The following BACE2 variants were observed in gnomAD, a reference collection of about 807,000 sequenced individuals.
BACE2 encodes 56 kDa aspartic-like protease.
In BACE2, 17 loss-of-function variants were observed where a neutral mutation model predicts 46.2. That is an observed-to-expected ratio of 0.37 (90% CI 0.25 to 0.55). The LOEUF (loss-of-function observed/expected upper bound fraction) is 0.55. Ranked by LOEUF, BACE2 falls within the 20% of genes least tolerant of loss-of-function variation. The probability of loss-of-function intolerance (pLI) is 0.82; values close to 1 mark genes in which losing one functional copy is unlikely to be tolerated. For missense variants in BACE2, 595 were observed against 698.1 expected, an observed-to-expected ratio of 0.85 and a Z score of 1.66; for synonymous variants, 277 against 295.9, an observed-to-expected ratio of 0.94 and a Z score of 0.66.
intron 1 of BACE2, chr21:41,183,413 T>G (rs1985222651): frequency 6.0e-6 from 1 of 167,064 alleles, no homozygotes; most frequent in Non-Finnish European, 1.5e-5. Flanking sequence ...TCACAATACA[T>G]GTACATATAC....
chr21:41,181,595 G>A lies in BACE2; in HGVS notation c.312+13020G>A, dbSNP rs1016731144. Reference sequence around the variant, plus strand: ...TTCCACTTTTGTGTCATTAATGCAAGAGTGGATGCAAATGTTAGAGTTATG... The same window carrying A: ...TTCCACTTTTGTGTCATTAATGCAAAAGTGGATGCAAATGTTAGAGTTATG... On this transcript the variant is annotated intron_variant, in intron 1 of 8. Coordinates refer to ENST00000330333, the MANE Select transcript of BACE2 (RefSeq NM_012105.5). 6.0e-5 allele frequency: 10 copies of A among 167,230 alleles called. No individual in the cohort carries two copies. In the East Asian group the frequency reaches 1.7e-3, roughly 29 times the overall value. 10.4% of individuals were successfully genotyped at this position (167,230 alleles called of 1,614,324 possible).
intron 1 of BACE2, among the ~76,000 whole-genome samples, chr21:41,204,336 C>T (rs928078615): frequency 2.0e-5 from 3 of 152,152 alleles, no homozygotes; most frequent in African/African-American, 4.8e-5. Context: ...CCACTGCGCC[C>T]GGCCAAGAGT....
intron 1 of BACE2, among the ~76,000 whole-genome samples, chr21:41,204,376 T>G (rs540218959): frequency 3.9e-5 from 6 of 152,010 alleles, no homozygotes; most frequent in African/African-American, 1.5e-4. Flanking sequence ...ATGGGAGATA[T>G]GATGTCCCAT....
chr21:41,274,800 C>A (rs1054992459), intron 8 of BACE2, among the ~76,000 whole-genome samples: 1 of 152,108 alleles, frequency 6.6e-6, no homozygotes. Flanking sequence ...TCTCTCAAGC[C>A]AGCCTGACCC....
At chr21:41,255,436 G>A (rs767598448) in intron 7 of BACE2, among the ~76,000 whole-genome samples, 8 of 152,218 alleles carry the variant, frequency 5.3e-5, no homozygotes, top group African/African-American at 1.4e-4. Context: ...CAGTGCCTGA[G>A]AAGGAGCAGC....
intron 2 of BACE2, among the ~76,000 whole-genome samples, chr21:41,227,912 C>T (rs891430693): frequency 6.6e-6 from 1 of 152,176 alleles, no homozygotes; most frequent in Non-Finnish European, 1.5e-5. Flanking sequence ...AGTCCCCAAA[C>T]AGCCCTCACC....
At chr21:41,271,725 A>G (rs2088436898) in intron 8 of BACE2, among the ~76,000 whole-genome samples, 3 of 152,210 alleles carry the variant, frequency 2.0e-5, no homozygotes, top group Admixed American at 2.0e-4. Context: ...ACCACTTCAT[A>G]TAGTCTAAGA....
At chr21:41,176,608 C>T (rs1984853873) in intron 1 of BACE2, 1 of 152,146 alleles carries the variant, frequency 6.6e-6, no homozygotes, top group Non-Finnish European at 1.5e-5. Flanking sequence ...AATACTCTTC[C>T]TAGGTTAAGT....
chr21:41,254,472 T>C (rs1052098044), intron 7 of BACE2, among the ~76,000 whole-genome samples: 1 of 152,210 alleles, frequency 6.6e-6, no homozygotes, highest in African/African-American at 2.4e-5. Flanking sequence ...TTTCTTCCTG[T>C]CTCTGCCCTT....
intron 1 of BACE2, among the ~76,000 whole-genome samples, chr21:41,214,677 C>T (rs2837968): frequency 0.17 from 26,484 of 152,246 alleles, 5,700 homozygotes; most frequent in African/African-American, 0.51. Context: ...ACTGCATGAA[C>T]GTCTCTCTAA....
chr21:41,227,944 G>C (rs774250676), intron 2 of BACE2, among the ~76,000 whole-genome samples: 65 of 152,270 alleles, frequency 4.3e-4, no homozygotes, highest in Non-Finnish European at 8.4e-4. Context: ...ACTCTGGACT[G>C]CTCATCATGG....
At chr21:41,225,177 T>G (rs1986773662) in intron 1 of BACE2, among the ~76,000 whole-genome samples, 1 of 149,574 alleles carries the variant, frequency 6.7e-6, no homozygotes, top group South Asian at 2.1e-4. Context: ...GAGTTTGCAC[T>G]GAGCCGAGAT....
rs936731893 is a variant in BACE2, at chr21:41,208,372, G to C, written c.313-17894G>C. Among the ~76,000 whole-genome samples, 5 of 152,232 alleles carry C rather than the reference G, an allele frequency of 3.3e-5. No individual in the cohort carries two copies. In the East Asian group the frequency reaches 9.6e-4, roughly 29 times the overall value. ...GTGACTGCAGGTGCCTGCACCTTCT[G>C]GGGGTGGGAGAGGGCATGAAATCCT... On this transcript the variant is annotated intron_variant, in intron 1 of 8. Coordinates refer to ENST00000330333, the MANE Select transcript of BACE2 (RefSeq NM_012105.5).
rs1232031468 is a variant in BACE2, at chr21:41,257,250, C to T, written c.1227C>T (p.Ala409=). 4 of 1,614,150 alleles carry T rather than the reference C, an allele frequency of 2.5e-6. No individual in the cohort carries two copies. Among genetic ancestry groups the T allele is most frequent in the South Asian group, 1.1e-5 (1 of 91,078 alleles). Reference sequence around the variant, plus strand: ...CCACAAATGCGCTGGTGATCGGTGCCACGGTGATGGAGGGCTTCTACGTCA... The same window carrying T: ...CCACAAATGCGCTGGTGATCGGTGCTACGGTGATGGAGGGCTTCTACGTCA... ...SPSTNALVIG[A]TVMEGFYVIF... is the part of the protein sequence containing the mutation. Residue 409 remains alanine, a synonymous_variant, in exon 8 of 9, where the codon GCC becomes GCT. Coordinates refer to ENST00000330333, the MANE Select transcript of BACE2 (RefSeq NM_012105.5).
chr21:41,181,312 GT>G (rs377465379), intron 1 of BACE2: 1 of 167,120 alleles, frequency 6.0e-6, no homozygotes, highest in African/African-American at 2.4e-5. Context: ...GGGGTGCGAT[GT>G]TTATACTTCA....
chr21:41,176,034 A>G (rs1371779379), intron 1 of BACE2: 1 of 152,240 alleles, frequency 6.6e-6, no homozygotes, highest in East Asian at 1.9e-4. Flanking sequence ...GGTATTGGAG[A>G]GAAGTCATTT....
intron 3 of BACE2, among the ~76,000 whole-genome samples, chr21:41,239,230 C>G (rs1048151865): frequency 1.4e-4 from 22 of 152,198 alleles, no homozygotes; most frequent in Middle Eastern, 3.4e-3. Context: ...GCCCTTGGCC[C>G]CTCCAAGGAG....
chr21:41,224,209 ATTTT>A (rs10658440), intron 1 of BACE2, among the ~76,000 whole-genome samples: 26 of 98,888 alleles, frequency 2.6e-4, no homozygotes, highest in African/African-American at 9.9e-4. Flanking sequence ...GCCTATTTTG[ATTTT>A]TTTTTTTTTT....
chr21:41,256,188 C>T (rs551176207), intron 7 of BACE2, among the ~76,000 whole-genome samples: 1 of 152,042 alleles, frequency 6.6e-6, no homozygotes, highest in East Asian at 1.9e-4. Context: ...TTTGTTGCGC[C>T]CATCAACCCG....
Sources: allele counts gnomAD v4.1 joint callset (sites outside exome capture counted in the v4.1 genomes callset), GRCh38; gene constraint gnomAD v4.1.1; transcripts MANE v1.5; gene names NCBI Gene and HGNC (gene_info 2026-07-23, HGNC 2026-07-21).